The following CTNNBIP1 variants were observed in gnomAD, a reference collection of about 807,000 sequenced individuals.
CTNNBIP1 encodes the protein catenin beta interacting protein 1.
Under a neutral mutation model 11.8 loss-of-function variants are expected in CTNNBIP1, and 7 were observed. The observed-to-expected ratio is 0.60, with a 90% CI of 0.34 to 1.12. CTNNBIP1 has a LOEUF of 1.12. Ranked by LOEUF, CTNNBIP1 falls within the 50% of genes most tolerant of loss-of-function variation. The pLI, the probability that CTNNBIP1 is intolerant of heterozygous loss-of-function variation, is 0.03. For missense variants in CTNNBIP1, 101 were observed against 113.4 expected, an observed-to-expected ratio of 0.89 and a Z score of 0.50; for synonymous variants, 58 against 43.9, an observed-to-expected ratio of 1.32 and a Z score of -1.26.
chr1:9,872,210 G>T lies in CTNNBIP1; in HGVS notation c.-24-122C>A, dbSNP rs1638878093. ...GCTTTCCACCCACAGTCTCCCTTCT[G>T]GGAGCATGGGGCAGGTGGCGAGGTG... On this transcript the variant is annotated intron_variant, in intron 3 of 5. Coordinates refer to ENST00000377263, the MANE Select transcript of CTNNBIP1 (RefSeq NM_020248.3). This position sits in a 1 kb window ranked among gnomAD's most constrained non-coding sequence, Gnocchi z 4.0. The T allele has an allele frequency of 1.5e-6, 1 of 663,000 alleles. No individual in the cohort carries two copies. The highest frequency in any genetic ancestry group is 2.7e-5 in the East Asian group (1 of 36,468). 41.1% of individuals were successfully genotyped at this position (663,000 alleles called of 1,614,324 possible).
intron 5 of CTNNBIP1, among the ~76,000 whole-genome samples, chr1:9,858,447 C>T (rs976971326): frequency 1.3e-5 from 2 of 152,198 alleles, no homozygotes; most frequent in East Asian, 1.9e-4. Context: ...CCACTCACTG[C>T]GCCAGCTACA....
chr1:9,875,927 CA>C (rs1638959739), intron 3 of CTNNBIP1, among the ~76,000 whole-genome samples: 1 of 152,220 alleles, frequency 6.6e-6, no homozygotes, highest in Non-Finnish European at 1.5e-5. Flanking sequence ...CCAAACAATA[CA>C]GACATTTCAG....
At chr1:9,908,562 T>C (rs1639667678) in intron 1 of CTNNBIP1, among the ~76,000 whole-genome samples, 1 of 145,684 alleles carries the variant, frequency 6.9e-6, no homozygotes. Flanking sequence ...TTGTAGTAGA[T>C]ATGGGGTTTC....
At chr1:9,889,678 T>A (rs767372193) in intron 1 of CTNNBIP1, among the ~76,000 whole-genome samples, 2 of 152,216 alleles carry the variant, frequency 1.3e-5, no homozygotes, top group Non-Finnish European at 2.9e-5. Flanking sequence ...TGAGAAATGT[T>A]CACCACCAGA....
intron 5 of CTNNBIP1, among the ~76,000 whole-genome samples, chr1:9,854,323 G>A (rs555004081): frequency 5.7e-4 from 84 of 147,812 alleles, no homozygotes; most frequent in Admixed American, 1.6e-3. Flanking sequence ...AGCTGAGATC[G>A]CGCCATTGTA....
intron 1 of CTNNBIP1, among the ~76,000 whole-genome samples, chr1:9,884,984 G>A (rs369599240): frequency 1.3e-5 from 2 of 152,290 alleles, no homozygotes; most frequent in South Asian, 2.1e-4. Flanking sequence ...GGGCAGCTGG[G>A]AGCTGGGAGC....
At chr1:9,888,609 T>TCTACACACAGTGCCATCTGC (rs1220571553) in intron 1 of CTNNBIP1, among the ~76,000 whole-genome samples, 1 of 151,212 alleles carries the variant, frequency 6.6e-6, no homozygotes, top group Non-Finnish European at 1.5e-5. Context: ...CCTGCATCTG[T>TCTACACACAGTGCCATCTGC]CTACACACAG....
rs1639006521 is a variant in CTNNBIP1, at chr1:9,877,971, G to C, written c.-91C>G. 1 of 152,778 alleles carries C rather than the reference G, an allele frequency of 6.5e-6. No homozygotes were observed. The highest frequency in any genetic ancestry group is 2.4e-5 in the African/African-American group (1 of 41,464). 9.5% of individuals were successfully genotyped at this position (152,778 alleles called of 1,614,324 possible). A position where few individuals can be genotyped will look rare whatever the true frequency, so the allele number is the denominator to read the frequency against. ...GTGAGGGGAGGGCTGTGGCTGGGCA[G>C]AAGTAGGAAGGTGCCGCCCTGCAGA... On this transcript the variant is annotated 5_prime_UTR_variant, in exon 3 of 6. Coordinates refer to ENST00000377263, the MANE Select transcript of CTNNBIP1 (RefSeq NM_020248.3).
intron 5 of CTNNBIP1, among the ~76,000 whole-genome samples, chr1:9,852,542 G>T (rs1638414204): frequency 6.6e-6 from 1 of 152,178 alleles, no homozygotes; most frequent in African/African-American, 2.4e-5. Flanking sequence ...TTTCGCCTGA[G>T]CCCTAGGACC....
At chr1:9,863,418 G>C (rs919405094) in intron 5 of CTNNBIP1, among the ~76,000 whole-genome samples, 104 of 152,326 alleles carry the variant, frequency 6.8e-4, no homozygotes, top group Middle Eastern at 3.4e-3. Context: ...GTTACCGCCT[G>C]GAGCCTCTGA....
At chr1:9,881,279 C>T (rs1168810392) in intron 2 of CTNNBIP1, among the ~76,000 whole-genome samples, 4 of 151,338 alleles carry the variant, frequency 2.6e-5, no homozygotes, top group African/African-American at 9.7e-5. Flanking sequence ...AAGCAATCCT[C>T]CCACCTCCGC....
intron 1 of CTNNBIP1, among the ~76,000 whole-genome samples, chr1:9,894,231 TTTC>T (rs1639364337): frequency 6.6e-6 from 1 of 152,202 alleles, no homozygotes; most frequent in Non-Finnish European, 1.5e-5. Context: ...CACTGCTGCT[TTTC>T]CTGAACCATC....
chr1:9,907,607 G>T (rs1349220825), intron 1 of CTNNBIP1, among the ~76,000 whole-genome samples: 1 of 152,178 alleles, frequency 6.6e-6, no homozygotes, highest in Non-Finnish European at 1.5e-5. Context: ...AACCGGATGT[G>T]GGAATGAAAC....
intron 2 of CTNNBIP1, among the ~76,000 whole-genome samples, chr1:9,881,012 G>A (rs1473758970): frequency 6.6e-6 from 1 of 152,160 alleles, no homozygotes; most frequent in African/African-American, 2.4e-5. Context: ...TTGGTTTACT[G>A]TTCTACTCTC....
At chr1:9,876,557 C>A (rs533063267) in intron 3 of CTNNBIP1, among the ~76,000 whole-genome samples, 8 of 152,262 alleles carry the variant, frequency 5.3e-5, no homozygotes, top group African/African-American at 1.7e-4. Context: ...GCGGCAGTTG[C>A]CTGGAGCCAA....
intron 1 of CTNNBIP1, among the ~76,000 whole-genome samples, chr1:9,906,475 T>C (rs1229787288): frequency 6.6e-6 from 1 of 152,116 alleles, no homozygotes; most frequent in Admixed American, 6.5e-5. Context: ...GGAGAATCGT[T>C]TGAACCCAGG....
intron 5 of CTNNBIP1, among the ~76,000 whole-genome samples, chr1:9,865,535 T>C (rs1307307312): frequency 6.6e-6 from 1 of 150,626 alleles, no homozygotes; most frequent in Non-Finnish European, 1.5e-5. Flanking sequence ...ACCCGGGAGG[T>C]GGAGTTTGCA....
In CTNNBIP1 at chr1:9,850,676, T is replaced by C; in HGVS notation, c.*42A>G. 1 of 1,592,436 alleles carries C rather than the reference T, an allele frequency of 6.3e-7. No homozygotes were observed. The highest frequency in any genetic ancestry group is 8.6e-7 in the Non-Finnish European group (1 of 1,160,418). ...CCGGCCCAGGAGCCACACAGATCTCTTGGCCCTCAACAGCATCCAGGGTGT... is the reference window on the plus strand; with the variant it reads ...CCGGCCCAGGAGCCACACAGATCTCCTGGCCCTCAACAGCATCCAGGGTGT... On this transcript the variant is annotated 3_prime_UTR_variant, in exon 6 of 6. Transcript: ENST00000377263.
chr1:9,900,614 A>C (rs747398810), intron 1 of CTNNBIP1, among the ~76,000 whole-genome samples: 5 of 152,230 alleles, frequency 3.3e-5, no homozygotes, highest in Non-Finnish European at 7.3e-5. Flanking sequence ...TTGTGCCAGC[A>C]GCAGCAGACC....
Sources: gnomAD v4.1 joint callset for allele counts (sites outside exome capture counted in the v4.1 genomes callset) on GRCh38, gnomAD v4.1.1 for gene constraint, Gnocchi (gnomAD v3.1) non-coding constraint, MANE v1.5 for transcripts, NCBI Gene and HGNC (gene_info 2026-07-23, HGNC 2026-07-21) for gene names.